TEAD1: variants seen among roughly 807,000 people sequenced by gnomAD.
TEAD1 encodes transcriptional enhancer factor TEF-1.
In TEAD1, 9 loss-of-function variants were observed where a neutral mutation model predicts 54.9. The ratio of observed to expected loss-of-function variants is 0.16; its 90% CI spans 0.10 to 0.29. TEAD1 has a LOEUF of 0.29. Among genes scored for constraint, TEAD1 ranks in the 10% least tolerant of loss-of-function variants. The pLI is 1.00. For synonymous variants in TEAD1, 200 were observed against 187.8 expected, an observed-to-expected ratio of 1.07 and a Z score of -0.53; for missense variants, 387 against 535.9, an observed-to-expected ratio of 0.72 and a Z score of 2.74.
intron 3 of TEAD1, among the ~76,000 whole-genome samples, chr11:12,862,043 C>G (rs1947516593): frequency 7.3e-6 from 1 of 137,418 alleles, no homozygotes; most frequent in South Asian, 2.3e-4. Flanking sequence ...AGATGCTGGT[C>G]TAAGTTCAAA....
chr11:12,811,418 T>G (rs150033519), intron 3 of TEAD1, among the ~76,000 whole-genome samples: 8 of 152,334 alleles, frequency 5.3e-5, no homozygotes, highest in African/African-American at 1.9e-4. Context: ...AATAAGCCAC[T>G]AAGCCCCCTC....
At chr11:12,846,503 C>CA (rs776044622) in intron 3 of TEAD1, among the ~76,000 whole-genome samples, 1 of 145,868 alleles carries the variant, frequency 6.9e-6, no homozygotes, top group Non-Finnish European at 1.5e-5. Context: ...TGGGCTCTGC[C>CA]TTTTTTTTTT....
intron 2 of TEAD1, among the ~76,000 whole-genome samples, chr11:12,694,436 G>A (rs898396319): frequency 6.7e-6 from 1 of 150,046 alleles, no homozygotes; most frequent in African/African-American, 2.5e-5. Flanking sequence ...AGTGTTTCAC[G>A]CCAGTCTTCC....
At chr11:12,731,913 C>T (rs1008231440) in intron 2 of TEAD1, among the ~76,000 whole-genome samples, 1 of 152,150 alleles carries the variant, frequency 6.6e-6, no homozygotes, top group African/African-American at 2.4e-5. Flanking sequence ...TCTCTGGGAT[C>T]CAGATTGGAG....
intron 2 of TEAD1, among the ~76,000 whole-genome samples, chr11:12,702,636 C>T (rs866684572): frequency 5.3e-5 from 8 of 152,120 alleles, no homozygotes; most frequent in South Asian, 2.1e-4. Flanking sequence ...TGCAGGCTTC[C>T]GTGAAACATT....
intron 3 of TEAD1, among the ~76,000 whole-genome samples, chr11:12,852,482 C>T (rs1327756145): frequency 4.8e-5 from 7 of 146,806 alleles, no homozygotes; most frequent in Admixed American, 1.4e-4. Context: ...GAGTCTCACT[C>T]TGTTGCCCAG....
chr11:12,879,894 A>T (rs776283233), intron 6 of TEAD1, 52 bp downstream of exon 6: 1 of 1,609,970 alleles, frequency 6.2e-7, no homozygotes, highest in Non-Finnish European at 8.5e-7. Flanking sequence ...TGGGGTTGGC[A>T]TGTGCCAGTG....
chr11:12,806,173 A>G (rs1946167585), intron 3 of TEAD1, among the ~76,000 whole-genome samples: 1 of 152,230 alleles, frequency 6.6e-6, no homozygotes, highest in Admixed American at 6.5e-5. Flanking sequence ...ATTTACTTTA[A>G]TAATAACTTG....
intron 8 of TEAD1, 119 bp from the exon 9 acceptor site, chr11:12,882,882 G>A: frequency 1.4e-6 from 2 of 1,481,152 alleles, no homozygotes; most frequent in African/African-American, 1.4e-5. Flanking sequence ...GCCAGAGCCG[G>A]TGGAGAGGGG....
intron 2 of TEAD1, among the ~76,000 whole-genome samples, chr11:12,758,250 T>A (rs1051427545): frequency 3.3e-5 from 5 of 149,784 alleles, no homozygotes; most frequent in African/African-American, 1.2e-4. Context: ...TTTTTTTAAT[T>A]TTTTTTTTGT....
At chr11:12,777,484 T>C (rs1945453109) in intron 3 of TEAD1, among the ~76,000 whole-genome samples, 1 of 152,308 alleles carries the variant, frequency 6.6e-6, no homozygotes, top group Non-Finnish European at 1.5e-5. Flanking sequence ...GTAGCTTCCA[T>C]GACCGCTTAG....
Position 12,768,051 on chromosome 11 carries a change from T to C in TEAD1, c.202+3617T>C, listed in dbSNP as rs377311925. On this transcript the variant is annotated intron_variant, in intron 3 of 12. Coordinates refer to ENST00000527636, the MANE Select transcript of TEAD1 (RefSeq NM_021961.6). ...CGGGAACACCTGAATTTGTTACTTTTGCAACTGAAAATCCCAGTCAGATAG... is the reference window on the plus strand; with the variant it reads ...CGGGAACACCTGAATTTGTTACTTTCGCAACTGAAAATCCCAGTCAGATAG... Among the ~76,000 whole-genome samples the C allele has an allele frequency of 1.2e-4, 18 of 152,306 alleles. No homozygotes were observed. In the South Asian group the frequency reaches 3.7e-3, roughly 32 times the overall value.
rs1943033759 is a variant in TEAD1 at position 12,674,551 on chromosome 11, C to G, written c.-491C>G. The G allele has an allele frequency of 6.6e-6, 1 of 151,026 alleles. No individual in the cohort carries two copies. The highest frequency in any genetic ancestry group is 2.4e-5 in the African/African-American group (1 of 41,268). The allele number at this position is 151,026 out of a possible 1,614,324, so 9.4% of individuals were successfully genotyped here. A position where few individuals can be genotyped will look rare whatever the true frequency, so the allele number is the denominator to read the frequency against. On this transcript the variant is annotated 5_prime_UTR_variant, in exon 1 of 13. Coordinates refer to ENST00000527636, the MANE Select transcript of TEAD1 (RefSeq NM_021961.6). ...AAGCACTTTGCAGACTCGCTTCCAC[C>G]CTGCGGGCCATTCCGCGCGGCGGGG...
At chr11:12,814,134 G>A (rs1397979962) in intron 3 of TEAD1, among the ~76,000 whole-genome samples, 1 of 152,152 alleles carries the variant, frequency 6.6e-6, no homozygotes, top group Admixed American at 6.5e-5. Flanking sequence ...GACGTATGGG[G>A]AGGAATGGAG....
intron 3 of TEAD1, among the ~76,000 whole-genome samples, chr11:12,805,066 T>C (rs1172536874): frequency 6.6e-6 from 1 of 152,150 alleles, no homozygotes; most frequent in Non-Finnish European, 1.5e-5. Context: ...CCTGCAAAGG[T>C]GGACTGGGCT....
At position 12,881,035 on chromosome 11, in the gene TEAD1, C is replaced by G. The variant is rs746873807; in HGVS notation, c.496C>G (p.Pro166Ala). ...GCCGGGAATGATTCAAACAGGGCAG[C>G]CAGGATCCTCACAAGAGTAAGTCTG... Residue 166 changes from proline to alanine, a missense_variant, in exon 7 of 13, where the codon CCA (proline) becomes GCA (alanine). Around this residue, in one of 5 missense-constraint regions of TEAD1, gnomAD observed 180 missense variants for 180.6 expected, o/e 1.00. Coordinates refer to ENST00000527636, the MANE Select transcript of TEAD1 (RefSeq NM_021961.6). 65 of 1,614,048 alleles carry G rather than the reference C, an allele frequency of 4.0e-5. No individual in the cohort carries two copies. The highest frequency in any genetic ancestry group is 6.7e-5 in the Admixed American group (4 of 60,010).
chr11:12,745,863 T>A (rs1178193347), intron 2 of TEAD1, among the ~76,000 whole-genome samples: 1 of 152,232 alleles, frequency 6.6e-6, no homozygotes, highest in Non-Finnish European at 1.5e-5. Flanking sequence ...TGTCTTCTCC[T>A]GCCAAGGCAT....
At chr11:12,731,891 ATC>A (rs1452288746) in intron 2 of TEAD1, among the ~76,000 whole-genome samples, 1 of 152,114 alleles carries the variant, frequency 6.6e-6, no homozygotes, top group Non-Finnish European at 1.5e-5. Context: ...TAAACCATTT[ATC>A]TCTCTACAGT....
intron 2 of TEAD1, among the ~76,000 whole-genome samples, chr11:12,729,229 T>A (rs1180954788): frequency 1.3e-5 from 2 of 152,200 alleles, no homozygotes; most frequent in African/African-American, 4.8e-5. Flanking sequence ...GGCTTTCAGA[T>A]CATGTGGACG....
Sources: allele counts gnomAD v4.1 joint callset (sites outside exome capture counted in the v4.1 genomes callset), GRCh38; gene constraint gnomAD v4.1.1; regional missense constraint gnomAD v4.1.1; transcripts MANE v1.5; gene names NCBI Gene and HGNC (gene_info 2026-07-23, HGNC 2026-07-21).